OXSR1: variants seen among roughly 807,000 people sequenced by gnomAD.
OXSR1 encodes oxidative stress responsive kinase 1, also known as serine/threonine-protein kinase OSR1.
Under a neutral mutation model 79.8 loss-of-function variants are expected in OXSR1, and 24 were observed. The ratio of observed to expected loss-of-function variants is 0.30; its 90% CI spans 0.22 to 0.42. OXSR1 has a LOEUF of 0.42. Ranked by LOEUF, OXSR1 falls within the 10% of genes least tolerant of loss-of-function variation. The probability of loss-of-function intolerance (pLI) is 1.00; values close to 1 mark genes in which losing one functional copy is unlikely to be tolerated. For synonymous variants in OXSR1, 226 were observed against 209.2 expected (o/e 1.08, Z -0.69); for missense variants, 430 against 618.4 (o/e 0.70, Z 3.23).
chr3:38,237,015 A>G (rs1346184948), intron 11 of OXSR1, 54 bp downstream of exon 11: 3 of 1,469,380 alleles, frequency 2.0e-6, no homozygotes, highest in Middle Eastern at 1.8e-4. Flanking sequence ...GTTCTTGTTC[A>G]GCTTAACCAG....
chr3:38,181,246 GTTTTA>G (rs781426406), intron 1 of OXSR1, among the ~76,000 whole-genome samples: 3 of 149,180 alleles, frequency 2.0e-5, no homozygotes, highest in Non-Finnish European at 4.4e-5. Flanking sequence ...TCCAGCAAAT[GTTTTA>G]TTTTGATAAT....
intron 5 of OXSR1, 65 bp downstream of exon 5, chr3:38,216,216 T>C (rs1488581553): frequency 6.8e-6 from 7 of 1,027,368 alleles, no homozygotes; most frequent in Non-Finnish European, 1.0e-5. Flanking sequence ...TTATCTTTTA[T>C]GTTTCCTTAA....
chr3:38,180,088 G>A (rs1009260975), intron 1 of OXSR1, among the ~76,000 whole-genome samples: 25 of 152,238 alleles, frequency 1.6e-4, no homozygotes, highest in Non-Finnish European at 2.6e-4. Flanking sequence ...GATTACAGGC[G>A]TGAGCCACTG....
At position 38,169,550 on chromosome 3, in the gene OXSR1, C is replaced by A. The variant is rs141767710; in HGVS notation, c.70+3604C>A. 6.4e-3 allele frequency among the ~76,000 whole-genome samples: 971 copies of A among 152,078 alleles called. 15 individuals carry two copies. Among genetic ancestry groups the A allele is most frequent in the African/African-American group, 0.021 (887 of 41,500 alleles). ...CAAACTCCTGACCTCAGGTGATCCG[C>A]CTGCTTGGCCTCCCAAAGTGCTGGG... On this transcript the variant is annotated intron_variant, in intron 1 of 17. Coordinates refer to ENST00000311806, the MANE Select transcript of OXSR1 (RefSeq NM_005109.3).
intron 8 of OXSR1, among the ~76,000 whole-genome samples, chr3:38,227,697 C>G (rs967713695): frequency 6.6e-6 from 1 of 151,892 alleles, no homozygotes; most frequent in Non-Finnish European, 1.5e-5. Context: ...GATGAAAGAC[C>G]TATATTCTCA....
intron 4 of OXSR1, among the ~76,000 whole-genome samples, chr3:38,205,726 T>C (rs954484948): frequency 1.3e-5 from 2 of 152,204 alleles, no homozygotes; most frequent in Admixed American, 1.3e-4. Flanking sequence ...CTGCCAGTCA[T>C]CGTGGTCTGT....
chr3:38,239,304 A>C (rs2125848580), intron 11 of OXSR1, among the ~76,000 whole-genome samples: 1 of 152,232 alleles, frequency 6.6e-6, no homozygotes, highest in African/African-American at 2.4e-5. Context: ...TAGTAATCTG[A>C]TTAGATGCCA....
chr3:38,247,592 C>G, intron 13 of OXSR1, 76 bp from the exon 14 acceptor site: 2 of 1,009,552 alleles, frequency 2.0e-6, no homozygotes, highest in Non-Finnish European at 3.1e-6. Flanking sequence ...GTAAATGATT[C>G]CTCTGCCAGT....
intron 4 of OXSR1, among the ~76,000 whole-genome samples, chr3:38,211,787 C>T (rs1057001691): frequency 6.6e-6 from 1 of 152,200 alleles, no homozygotes; most frequent in African/African-American, 2.4e-5. Context: ...TTAAGTGTCT[C>T]TTTCATTTCT....
At chr3:38,238,118 C>A (rs1353251867) in intron 11 of OXSR1, among the ~76,000 whole-genome samples, 1 of 152,072 alleles carries the variant, frequency 6.6e-6, no homozygotes, top group East Asian at 1.9e-4. Context: ...TTTCTTATAA[C>A]CTAATACATT....
chr3:38,169,228 T>C (rs1701527290), intron 1 of OXSR1, among the ~76,000 whole-genome samples: 1 of 152,214 alleles, frequency 6.6e-6, no homozygotes, highest in Non-Finnish European at 1.5e-5. Context: ...TTTATTAGAC[T>C]TTCATGGATC....
chr3:38,190,502 C>T (rs963314514), intron 2 of OXSR1, among the ~76,000 whole-genome samples: 6 of 152,060 alleles, frequency 3.9e-5, no homozygotes, highest in African/African-American at 1.4e-4. Flanking sequence ...AAATAGTGTG[C>T]TTCTAGTTTG....
chr3:38,227,957 A>C (rs1204564950), intron 8 of OXSR1, among the ~76,000 whole-genome samples: 1 of 152,224 alleles, frequency 6.6e-6, no homozygotes, highest in Non-Finnish European at 1.5e-5. Context: ...ATGAGGATAC[A>C]TTCTGTAATA....
intron 2 of OXSR1, among the ~76,000 whole-genome samples, chr3:38,185,700 T>G (rs185060033): frequency 6.6e-6 from 1 of 152,158 alleles, no homozygotes; most frequent in Non-Finnish European, 1.5e-5. Flanking sequence ...CCCACCACTT[T>G]GGGAGGCTGA....
intron 7 of OXSR1, among the ~76,000 whole-genome samples, chr3:38,224,356 G>A (rs745869385): frequency 2.6e-5 from 4 of 152,162 alleles, no homozygotes; most frequent in Admixed American, 1.3e-4. Flanking sequence ...TATCCATTGC[G>A]TGTGTGTGTT....
At chr3:38,241,309 T>C (rs978336966) in intron 11 of OXSR1, among the ~76,000 whole-genome samples, 4 of 152,056 alleles carry the variant, frequency 2.6e-5, no homozygotes, top group African/African-American at 9.7e-5. Flanking sequence ...GACTGTATTC[T>C]CCAAAAATGT....
chr3:38,246,328 T>C, intron 13 of OXSR1, 107 bp downstream of exon 13: 1 of 1,087,318 alleles, frequency 9.2e-7, no homozygotes, highest in South Asian at 2.0e-5. Flanking sequence ...CTTGGTAGAT[T>C]TTGAAACAAG....
At chr3:38,189,029 A>G (rs1701936690) in intron 2 of OXSR1, among the ~76,000 whole-genome samples, 1 of 152,192 alleles carries the variant, frequency 6.6e-6, no homozygotes, top group Admixed American at 6.5e-5. Flanking sequence ...TGAAAACATG[A>G]ACTTCTTATC....
intron 3 of OXSR1, among the ~76,000 whole-genome samples, chr3:38,195,993 T>C (rs1211225535): frequency 6.6e-6 from 1 of 152,214 alleles, no homozygotes; most frequent in African/African-American, 2.4e-5. Context: ...AAATAAGTTG[T>C]TAAATGCCTT....
Sources: allele counts gnomAD v4.1 joint callset (sites outside exome capture counted in the v4.1 genomes callset), GRCh38; gene constraint gnomAD v4.1.1; transcripts MANE v1.5; gene names NCBI Gene and HGNC (gene_info 2026-07-23, HGNC 2026-07-21).